RBFOX1: variants seen among roughly 807,000 people sequenced by gnomAD.
RBFOX1 encodes RNA binding fox-1 homolog 1.
RBFOX1 carries 8 observed loss-of-function variants against 57.7 expected under a neutral mutation model. That is an observed-to-expected ratio of 0.14 (90% CI 0.08 to 0.25). The LOEUF (loss-of-function observed/expected upper bound fraction) is 0.25, where lower values mean the gene tolerates loss of function less well. Among genes scored for constraint, RBFOX1 ranks in the 10% least tolerant of loss-of-function variants. The pLI is 1.00. For synonymous variants in RBFOX1, 326 were observed against 222.4 expected, an observed-to-expected ratio of 1.47 and a Z score of -4.15; for missense variants, 611 against 548.5, an observed-to-expected ratio of 1.11 and a Z score of -1.14.
chr16:5,979,507 T>G (rs1411317219), intron 4 of RBFOX1, among the ~76,000 whole-genome samples: 2 of 152,218 alleles, frequency 1.3e-5, no homozygotes, highest in Non-Finnish European at 2.9e-5. Context: ...ATGAGGATAG[T>G]TTATATGTAT....
chr16:6,801,528 A>C (rs1203921680), intron 3 of RBFOX1, among the ~76,000 whole-genome samples: 2 of 152,102 alleles, frequency 1.3e-5, no homozygotes, highest in East Asian at 3.9e-4. Flanking sequence ...GGGTAAGCAA[A>C]AGTCAGGGCC....
At chr16:7,485,703 A>G (rs184071043) in intron 4 of RBFOX1, among the ~76,000 whole-genome samples, 2 of 152,230 alleles carry the variant, frequency 1.3e-5, no homozygotes, top group Admixed American at 1.3e-4. Flanking sequence ...AAACACATCC[A>G]TATATAATGT....
intron 4 of RBFOX1, among the ~76,000 whole-genome samples, chr16:7,254,379 C>G (rs1442304396): frequency 1.3e-5 from 2 of 152,134 alleles, no homozygotes; most frequent in South Asian, 2.1e-4. Flanking sequence ...ATTGGATTAT[C>G]TAGCACATTT....
At chr16:6,577,987 GT>G (rs1224350706) in intron 2 of RBFOX1, among the ~76,000 whole-genome samples, 1 of 152,200 alleles carries the variant, frequency 6.6e-6, no homozygotes, top group African/African-American at 2.4e-5. Context: ...GAAAGCACAG[GT>G]TTTGTGATGA....
intron 1 of RBFOX1, among the ~76,000 whole-genome samples, chr16:6,219,610 C>T (rs1340294960): frequency 6.6e-6 from 1 of 152,040 alleles, no homozygotes; most frequent in Non-Finnish European, 1.5e-5. Flanking sequence ...CGTGGTGGCT[C>T]ATGCTTGTAA....
intron 1 of RBFOX1, among the ~76,000 whole-genome samples, chr16:6,274,625 C>T (rs141580866): frequency 4.4e-4 from 67 of 152,204 alleles, no homozygotes; most frequent in South Asian, 2.1e-3. Flanking sequence ...ACTGTATTAG[C>T]GCTATCATCA....
chr16:7,212,861 G>C (rs4384616), intron 4 of RBFOX1, among the ~76,000 whole-genome samples: 4 of 151,762 alleles, frequency 2.6e-5, no homozygotes, highest in South Asian at 2.1e-4. Context: ...GAATAACTTA[G>C]GCTACAATGA....
At chr16:6,846,910 C>T (rs1421422281) in intron 3 of RBFOX1, among the ~76,000 whole-genome samples, 1 of 145,008 alleles carries the variant, frequency 6.9e-6, no homozygotes, top group Non-Finnish European at 1.5e-5. Context: ...CTCTAAATTA[C>T]CCTAGGAAAC....
At chr16:6,193,344 C>CATATATATACATTATATATATAT in intron 1 of RBFOX1, among the ~76,000 whole-genome samples, 2 of 66,730 alleles carry the variant, frequency 3.0e-5, no homozygotes, top group African/African-American at 8.6e-5. Context: ...ATATTCTTTA[C>CATATATATACATTATATATATAT]ATATATATAC....
intron 3 of RBFOX1, among the ~76,000 whole-genome samples, chr16:6,730,808 T>A (rs1018818779): frequency 6.6e-6 from 1 of 152,184 alleles, no homozygotes; most frequent in Non-Finnish European, 1.5e-5. Flanking sequence ...ACTAGGAGTT[T>A]CTCATATGTG....
At chr16:5,300,454 A>C (rs1035637324) in intron 1 of RBFOX1, among the ~76,000 whole-genome samples, 53 of 152,274 alleles carry the variant, frequency 3.5e-4, no homozygotes, top group African/African-American at 1.2e-3. Context: ...AGAAACCACC[A>C]CTAATGAATT....
chr16:6,044,074 T>C (rs572974136), intron 1 of RBFOX1, among the ~76,000 whole-genome samples: 4 of 152,338 alleles, frequency 2.6e-5, no homozygotes, highest in Admixed American at 1.3e-4. Context: ...TCTCCTTAAC[T>C]AATCCTAATT....
intron 2 of RBFOX1, among the ~76,000 whole-genome samples, chr16:6,471,376 C>T (rs958243726): frequency 8.5e-5 from 13 of 152,208 alleles, no homozygotes; most frequent in East Asian, 3.9e-4. Flanking sequence ...TCATCTAGTA[C>T]GATAATTATA....
intron 3 of RBFOX1, among the ~76,000 whole-genome samples, chr16:7,024,194 A>G (rs2040195747): frequency 6.6e-6 from 1 of 152,188 alleles, no homozygotes; most frequent in Non-Finnish European, 1.5e-5. Context: ...TTAATGAAGC[A>G]TTTACAAATT....
intron 2 of RBFOX1, among the ~76,000 whole-genome samples, chr16:6,347,157 GCA>G (rs923036933): frequency 6.6e-6 from 1 of 152,130 alleles, no homozygotes; most frequent in African/African-American, 2.4e-5. Flanking sequence ...CCTGGAATGG[GCA>G]ATAAAGCCAT....
chr16:7,449,731 G>GC (rs1261646855), intron 4 of RBFOX1, among the ~76,000 whole-genome samples: 4 of 106,602 alleles, frequency 3.8e-5, no homozygotes, highest in East Asian at 3.1e-4. Flanking sequence ...TGTGTGTGTG[G>GC]GGGGGGGGGG....
At chr16:6,648,421 C>T (rs1313591747) in intron 2 of RBFOX1, among the ~76,000 whole-genome samples, 1 of 152,108 alleles carries the variant, frequency 6.6e-6, no homozygotes, top group African/African-American at 2.4e-5. Context: ...GTTCCTCATA[C>T]TCCCCTTATG....
chr16:5,556,487 G>T (rs373645966), intron 2 of RBFOX1, among the ~76,000 whole-genome samples: 1 of 152,182 alleles, frequency 6.6e-6, no homozygotes, highest in African/African-American at 2.4e-5. Flanking sequence ...TTTTCCCCCC[G>T]CTTTTTCTAA....
chr16:7,314,029 T>C (rs2096381766), intron 4 of RBFOX1, among the ~76,000 whole-genome samples: 1 of 88,644 alleles, frequency 1.1e-5, no homozygotes, highest in East Asian at 5.3e-4. Flanking sequence ...ACTTTGATGC[T>C]CTTCCCGATT....
Sources: allele counts gnomAD v4.1 joint callset (sites outside exome capture counted in the v4.1 genomes callset), GRCh38; gene constraint gnomAD v4.1.1; transcripts MANE v1.5; gene names NCBI Gene and HGNC (gene_info 2026-07-23, HGNC 2026-07-21).